TYRO3: variants seen among roughly 807,000 people sequenced by gnomAD.
TYRO3 encodes TYRO3 protein tyrosine kinase.
A neutral mutation model predicts 95.2 loss-of-function variants in TYRO3; 38 were observed. That is an observed-to-expected ratio of 0.40 (90% CI 0.31 to 0.52). TYRO3 has a LOEUF of 0.52. Ranked by LOEUF, TYRO3 falls within the 20% of genes least tolerant of loss-of-function variation. TYRO3 has a pLI of 0.56. For missense variants in TYRO3, 812 were observed against 1,116.4 expected (o/e 0.73, Z 3.89); for synonymous variants, 367 against 432.9 (o/e 0.85, Z 1.89).
intron 4 of TYRO3, 100 bp from the exon 5 acceptor site, chr15:41,564,083 AT>A (rs2055690090): frequency 9.0e-7 from 1 of 1,108,214 alleles, no homozygotes; most frequent in African/African-American, 1.5e-5. Flanking sequence ...GGCAGGAGGG[AT>A]TTAAGGATGT....
intron 14 of TYRO3, among the ~76,000 whole-genome samples, chr15:41,572,153 G>A (rs1238528842): frequency 1.3e-5 from 2 of 152,058 alleles, no homozygotes; most frequent in Non-Finnish European, 2.9e-5. Context: ...CTGTGATTGC[G>A]CCACTGCACT....
chr15:41,566,052 C>T (rs1357633521), intron 6 of TYRO3, among the ~76,000 whole-genome samples: 5 of 152,150 alleles, frequency 3.3e-5, no homozygotes, highest in Non-Finnish European at 7.4e-5. Flanking sequence ...GTGGCTTATG[C>T]CTGTAATCCC....
At chr15:41,567,789 G>C (rs1198960158) in intron 7 of TYRO3, among the ~76,000 whole-genome samples, 1 of 152,202 alleles carries the variant, frequency 6.6e-6, no homozygotes, top group Non-Finnish European at 1.5e-5. Flanking sequence ...CCCTAAAAAG[G>C]TCTGAAGGAT....
intron 14 of TYRO3, 113 bp from the exon 15 acceptor site, chr15:41,572,330 A>G: frequency 6.9e-7 from 1 of 1,454,554 alleles, no homozygotes; most frequent in Non-Finnish European, 9.2e-7. Context: ...AAAATAAAAA[A>G]TAAATAGCAG....
Position 41,562,437 on chromosome 15 carries a change from G to T in TYRO3, c.410-111G>T, listed in dbSNP as rs1007480362. 9 of 1,159,118 alleles carry T rather than the reference G, an allele frequency of 7.8e-6. No individual in the cohort carries two copies. In the African/African-American group the frequency reaches 1.4e-4, roughly 18 times the overall value. 71.8% of individuals were successfully genotyped at this position (1,159,118 alleles called of 1,614,324 possible). On this transcript the variant is annotated intron_variant, in intron 3 of 18. Transcript: ENST00000263798. ...TCTGCTGTTGACCTAATCATAAGGG[G>T]CCTGTGGGAACCTTCTGCGTGGAGG...
rs1486696479 is a variant in TYRO3, at chr15:41,564,407, A to G, written c.667+137A>G. The G allele has an allele frequency of 6.3e-6, 5 of 793,848 alleles. No individual in the cohort carries two copies. In the East Asian group the frequency reaches 1.3e-4, roughly 21 times the overall value. The allele number at this position is 793,848 out of a possible 1,614,324, so 49.2% of individuals were successfully genotyped here. A position where few individuals can be genotyped will look rare whatever the true frequency, so the allele number is the denominator to read the frequency against. On this transcript the variant is annotated intron_variant, in intron 5 of 18. Coordinates refer to ENST00000263798, the MANE Select transcript of TYRO3 (RefSeq NM_006293.4). ...TCTAGGGAGCAAGGGGTTAATTGGC[A>G]TAGCTCCCATTCCTAGTGGGAGCAC...
rs71104798 is a variant in TYRO3 at position 41,565,582 on chromosome 15, C to CTT, written c.783+457_783+458dup. Among the ~76,000 whole-genome samples the CTT allele has an allele frequency of 1.7e-3, 229 of 133,260 alleles. 3 individuals are homozygous for CTT. Among genetic ancestry groups the CTT allele is most frequent in the East Asian group, 0.012 (56 of 4,488 alleles). 87.4% of individuals were successfully genotyped at this position (133,260 alleles called of 152,430 possible). On this transcript the variant is annotated intron_variant, in intron 6 of 18. Transcript: ENST00000263798. ...GTCATGCACCACCACGCCCAGCTAA[C>CTT]TTTTTTTTTTTTTTTTTGTATTTTT... is the stretch of plus-strand genomic sequence containing the variant.
intron 4 of TYRO3, 31 bp from the exon 5 acceptor site, chr15:41,564,153 T>G (rs758811069): frequency 1.6e-5 from 25 of 1,561,078 alleles, no homozygotes; most frequent in Non-Finnish European, 1.9e-5. Flanking sequence ...GGTTGCTGCT[T>G]GGGGAGCTGA....
At chr15:41,563,661 G>A (rs2055684886) in intron 4 of TYRO3, among the ~76,000 whole-genome samples, 1 of 152,198 alleles carries the variant, frequency 6.6e-6, no homozygotes, top group Non-Finnish European at 1.5e-5. Context: ...ACTGTGCTAG[G>A]CACCACAGGG....
chr15:41,577,558 G>A (rs2055875284), intron 18 of TYRO3: 1 of 181,680 alleles, frequency 5.5e-6, no homozygotes, highest in Admixed American at 5.6e-5. Context: ...TCGAACTCCT[G>A]ACCTCAGGTG....
In TYRO3 at chr15:41,577,852, C is replaced by T. The variant is rs79930254; in HGVS notation, c.2283-34C>T. The T allele has an allele frequency of 3.6e-6, 5 of 1,383,762 alleles. No individual in the cohort carries two copies. In the African/African-American group the frequency reaches 7.5e-5, roughly 21 times the overall value. The allele number at this position is 1,383,762 out of a possible 1,614,324, so 85.7% of individuals were successfully genotyped here. A position where few individuals can be genotyped will look rare whatever the true frequency, so the allele number is the denominator to read the frequency against. ...GGGGCCCCTGCTTTTGAGGGAAGGG[C>T]TCCTGCCTTTTCTCACGCTTCTCTC... is the stretch of plus-strand genomic sequence containing the variant. On this transcript the variant is annotated intron_variant, in intron 18 of 18. Coordinates refer to ENST00000263798, the MANE Select transcript of TYRO3 (RefSeq NM_006293.4).
intron 18 of TYRO3, among the ~76,000 whole-genome samples, chr15:41,576,638 A>C (rs1296345638): frequency 1.5e-5 from 2 of 132,446 alleles, no homozygotes; most frequent in Non-Finnish European, 3.1e-5. Context: ...CTGATTCAGT[A>C]GGTTTCCTTT....
intron 18 of TYRO3, among the ~76,000 whole-genome samples, chr15:41,576,671 A>ATTTTTT (rs2055864661): frequency 7.7e-6 from 1 of 129,662 alleles, no homozygotes; most frequent in African/African-American, 3.3e-5. Flanking sequence ...TTTTTTTTTA[A>ATTTTTT]AAAAAAAAAA....
chr15:41,564,763 T>G, intron 5 of TYRO3: 1 of 479,980 alleles, frequency 2.1e-6, no homozygotes, highest in Non-Finnish European at 3.8e-6. Context: ...ACATACCCTC[T>G]CATCTTATTC....
chr15:41,561,417 GT>G, intron 2 of TYRO3, 107 bp downstream of exon 2: 2 of 1,502,492 alleles, frequency 1.3e-6, no homozygotes, highest in Non-Finnish European at 1.8e-6. Context: ...GAGGTCTGTG[GT>G]TTTTTTATTT....
chr15:41,566,076 G>C (rs976575924), intron 6 of TYRO3, among the ~76,000 whole-genome samples: 1 of 152,128 alleles, frequency 6.6e-6, no homozygotes, highest in East Asian at 1.9e-4. Flanking sequence ...ACTTTGGGAG[G>C]TGGAGACGGG....
chr15:41,566,464 T>C (rs772550123), intron 6 of TYRO3, among the ~76,000 whole-genome samples: 9 of 151,334 alleles, frequency 5.9e-5, no homozygotes, highest in Non-Finnish European at 1.0e-4. Context: ...TGCCACACTA[T>C]ACTATAGCTA....
chr15:41,560,148 G>C (rs2055626833), intron 1 of TYRO3, among the ~76,000 whole-genome samples: 1 of 152,184 alleles, frequency 6.6e-6, no homozygotes, highest in Non-Finnish European at 1.5e-5. Context: ...GCGGCCACCC[G>C]CTGGCATCTT....
Position 41,578,551 on chromosome 15 carries a change from G to A in TYRO3, c.*275G>A, listed in dbSNP as rs1331809199. 4 of 523,856 alleles carry A rather than the reference G, an allele frequency of 7.6e-6. No homozygotes were observed. The East Asian group carries it at 1.1e-4, about 15-fold the overall frequency. The allele number at this position is 523,856 out of a possible 1,614,324, so 32.5% of individuals were successfully genotyped here. A position where few individuals can be genotyped will look rare whatever the true frequency, so the allele number is the denominator to read the frequency against. The stretch of plus-strand genomic sequence containing the variant: ...AACCCAGGCAGCTGGCAGGAGTGGG[G>A]TGGTTATGTTTCCATGGTTACCATG... On this transcript the variant is annotated 3_prime_UTR_variant, in exon 19 of 19. Coordinates refer to ENST00000263798, the MANE Select transcript of TYRO3 (RefSeq NM_006293.4).
Sources: gnomAD v4.1 joint callset for allele counts (sites outside exome capture counted in the v4.1 genomes callset) on GRCh38, gnomAD v4.1.1 for gene constraint, MANE v1.5 for transcripts, NCBI Gene and HGNC (gene_info 2026-07-23, HGNC 2026-07-21) for gene names.